The following CLTCL1 variants were observed in gnomAD, a reference collection of about 807,000 sequenced individuals.
The protein encoded by CLTCL1 is clathrin heavy chain 2.
A neutral mutation model predicts 190.0 loss-of-function variants in CLTCL1; 159 were observed. The observed-to-expected ratio is 0.84, with a 90% CI of 0.74 to 0.95. The LOEUF (loss-of-function observed/expected upper bound fraction) is 0.95. CLTCL1 is among the 40% of genes least tolerant of loss of function. The pLI is 0.00. For synonymous variants in CLTCL1, 752 were observed against 769.6 expected (o/e 0.98, Z 0.38); for missense variants, 1,878 against 2,033.4 (o/e 0.92, Z 1.47).
At chr22:19,238,830 A>G (rs563831344) in intron 5 of CLTCL1, 1 of 154,948 alleles carries the variant, frequency 6.5e-6, no homozygotes, top group East Asian at 1.9e-4. Flanking sequence ...AAAGGAAATA[A>G]GTGTTTTATT....
At chr22:19,258,293 G>T in intron 2 of CLTCL1, 1 of 373,756 alleles carries the variant, frequency 2.7e-6, no homozygotes, top group South Asian at 2.3e-5. Flanking sequence ...ATGACAAGCT[G>T]ACTCAGAAGA....
intron 3 of CLTCL1, 113 bp downstream of exon 3, chr22:19,253,846 A>G (rs886977499): frequency 1.4e-5 from 18 of 1,280,678 alleles, no homozygotes; most frequent in Non-Finnish European, 1.8e-5. Flanking sequence ...GATTACAGGC[A>G]TGAGCCACCG....
At chr22:19,236,343 G>GT (rs2086081528) in intron 5 of CLTCL1, among the ~76,000 whole-genome samples, 1 of 152,210 alleles carries the variant, frequency 6.6e-6, no homozygotes, top group Admixed American at 6.5e-5. Flanking sequence ...TAAGCAAGCT[G>GT]TGAGTTCATA....
chr22:19,252,112 G>A (rs1327050356), intron 3 of CLTCL1, among the ~76,000 whole-genome samples: 1 of 152,112 alleles, frequency 6.6e-6, no homozygotes, highest in African/African-American at 2.4e-5. Context: ...TCTCATACAT[G>A]TCTCTATTCC....
rs950950130 is a variant in CLTCL1 at position 19,199,659 on chromosome 22, G to T, written c.3873+75C>A. ...ACACTGTGATGGTCACGAGCTAAGG[G>T]GATGACCGTGCCTCTCTGTGGAGTG... On this transcript the variant is annotated intron_variant, in intron 24 of 32. Transcript: ENST00000427926. 4 of 1,099,938 alleles carry T rather than the reference G, an allele frequency of 3.6e-6. No individual in the cohort carries two copies. In the South Asian group the frequency reaches 4.5e-5, roughly 12 times the overall value. 68.1% of individuals were successfully genotyped at this position (1,099,938 alleles called of 1,614,324 possible). A position where few individuals can be genotyped will look rare whatever the true frequency, so the allele number is the denominator to read the frequency against.
intron 18 of CLTCL1, among the ~76,000 whole-genome samples, chr22:19,216,952 G>T (rs1441847628): frequency 6.6e-6 from 1 of 152,158 alleles, no homozygotes; most frequent in Non-Finnish European, 1.5e-5. Flanking sequence ...TCAGGGGTGG[G>T]CAACAGCCGT....
At chr22:19,271,804 C>T (rs1468293950) in intron 2 of CLTCL1, among the ~76,000 whole-genome samples, 1 of 152,144 alleles carries the variant, frequency 6.6e-6, no homozygotes, top group African/African-American at 2.4e-5. Context: ...GTTTTTACAA[C>T]TCCTCATAAA....
chr22:19,252,498 T>A (rs556658459), intron 3 of CLTCL1, among the ~76,000 whole-genome samples: 130 of 152,344 alleles, frequency 8.5e-4, no homozygotes, highest in Non-Finnish European at 1.6e-3. Flanking sequence ...AGATCCCCTG[T>A]GTTGCAGGCT....
chr22:19,287,384 G>T (rs2087943387), intron 1 of CLTCL1, among the ~76,000 whole-genome samples: 1 of 152,182 alleles, frequency 6.6e-6, no homozygotes, highest in Non-Finnish European at 1.5e-5. Flanking sequence ...CTCAGTAGGA[G>T]TCAGTGAGTA....
At chr22:19,219,227 G>T (rs575903232) in intron 18 of CLTCL1, among the ~76,000 whole-genome samples, 4 of 151,846 alleles carry the variant, frequency 2.6e-5, no homozygotes, top group Admixed American at 6.6e-5. Flanking sequence ...TCACCCAGTT[G>T]CCCAGGCTGG....
At chr22:19,230,052 G>C in intron 10 of CLTCL1, 77 bp from the exon 11 acceptor site, 4 of 1,223,206 alleles carry the variant, frequency 3.3e-6, no homozygotes, top group Non-Finnish European at 4.3e-6. Flanking sequence ...AATAGTTCCT[G>C]AAATATTATC....
In CLTCL1 at chr22:19,208,146, TG is replaced by T; in HGVS notation, c.3600+7del. The T allele has an allele frequency of 6.2e-7, 1 of 1,613,832 alleles. No homozygotes were observed. Among genetic ancestry groups the T allele is most frequent in the Non-Finnish European group, 8.5e-7 (1 of 1,179,856 alleles). Reference sequence around the variant, plus strand: ...GGCAGTGCACAGCCCCCAGGGGGCATGGCCTACCTGCTGGATGTGGGCATTG... The same window carrying T: ...GGCAGTGCACAGCCCCCAGGGGGCATGCCTACCTGCTGGATGTGGGCATTG... On this transcript the variant is annotated splice_region_variant and intron_variant, in intron 22 of 32. Transcript: ENST00000427926.
At chr22:19,191,057 T>A (rs2084485618) in intron 27 of CLTCL1, among the ~76,000 whole-genome samples, 1 of 152,186 alleles carries the variant, frequency 6.6e-6, no homozygotes, top group African/African-American at 2.4e-5. Flanking sequence ...ATTACAGGCG[T>A]GAGCCACCGC....
chr22:19,274,415 G>C (rs1272980725), intron 2 of CLTCL1, among the ~76,000 whole-genome samples: 1 of 152,126 alleles, frequency 6.6e-6, no homozygotes, highest in Non-Finnish European at 1.5e-5. Context: ...ACAGATAAAA[G>C]CATCATTAAT....
rs375099943 is a variant in CLTCL1 at position 19,183,518 on chromosome 22, C to T, written c.4699G>A (p.Ala1567Thr). 69 of 1,613,836 alleles carry T rather than the reference C, an allele frequency of 4.3e-5. No individual in the cohort carries two copies. The highest frequency in any genetic ancestry group is 3.5e-4 in the African/African-American group (26 of 75,062). The change falls in exon 30 of 33, where the codon GCA becomes ACA. Residue 1567 changes from alanine to threonine, a missense_variant. By Grantham distance (58) the Ala-to-Thr change is moderately conservative (BLOSUM62 0). Coordinates refer to ENST00000427926, the MANE Select transcript of CLTCL1 (RefSeq NM_007098.4). ...FLEEGKRECF[A>T]ACLFTCYDLL... The stretch of plus-strand genomic sequence containing the variant: ...TCATAGCAGGTGAAGAGACAAGCTG[C>T]GAAGCACTCCCTCTTGCCTTCCTCC...
Position 19,204,757 on chromosome 22 carries a change from C to T in CLTCL1, c.3601-3264G>A, listed in dbSNP as rs142690715. 2.2e-3 allele frequency among the ~76,000 whole-genome samples: 330 copies of T among 152,306 alleles called. 1 individual carries two copies. The highest frequency in any genetic ancestry group is 7.3e-3 in the African/African-American group (302 of 41,552). On this transcript the variant is annotated intron_variant, in intron 22 of 32. Transcript: ENST00000427926. ...ATTGTGGAGTTGCAGTCAGCAGATGCCAGACTGTGGGAAACATACACAAAC... is the reference window on the plus strand; with the variant it reads ...ATTGTGGAGTTGCAGTCAGCAGATGTCAGACTGTGGGAAACATACACAAAC...
chr22:19,184,735 T>C, intron 29 of CLTCL1: 1 of 352,822 alleles, frequency 2.8e-6, no homozygotes, highest in South Asian at 2.1e-5. Context: ...TTGGGGACTG[T>C]CTCACTGCCT....
chr22:19,180,886 A>G, intron 30 of CLTCL1, 80 bp from the exon 31 acceptor site: 3 of 1,227,772 alleles, frequency 2.4e-6, no homozygotes, highest in Middle Eastern at 1.9e-4. Flanking sequence ...GTGGAAGGTC[A>G]GGACACAGGG....
At chr22:19,222,930 G>A (rs967197551) in intron 14 of CLTCL1, 121 bp from the exon 15 acceptor site, 4 of 1,181,164 alleles carry the variant, frequency 3.4e-6, no homozygotes, top group Non-Finnish European at 3.5e-6. Flanking sequence ...AGGAGACTCA[G>A]AATGAGACTG....
Sources: allele counts gnomAD v4.1 joint callset (sites outside exome capture counted in the v4.1 genomes callset), GRCh38; gene constraint gnomAD v4.1.1; transcripts MANE v1.5; gene names NCBI Gene and HGNC (gene_info 2026-07-23, HGNC 2026-07-21).